Variants in TTC27 observed in about 807,000 individuals in gnomAD.
The protein encoded by TTC27 is tetratricopeptide repeat protein 27.
In TTC27, 79 loss-of-function variants were observed where a neutral mutation model predicts 115.9. That is an observed-to-expected ratio of 0.68 (90% CI 0.57 to 0.82). The LOEUF is 0.82. TTC27 is among the 40% of genes least tolerant of loss of function. TTC27 has a pLI of 0.00. For missense variants in TTC27, 1,054 were observed against 993.1 expected, an observed-to-expected ratio of 1.06 and a Z score of -0.82; for synonymous variants, 401 against 356.0, an observed-to-expected ratio of 1.13 and a Z score of -1.42.
chr2:32,755,366 C>T (rs927494744), intron 12 of TTC27, among the ~76,000 whole-genome samples: 13 of 152,196 alleles, frequency 8.5e-5, no homozygotes, highest in East Asian at 1.9e-4. Context: ...GGATCACTCG[C>T]GGTTAGGAGC....
chr2:32,643,898 C>G (rs1664747937), intron 4 of TTC27, among the ~76,000 whole-genome samples: 1 of 151,176 alleles, frequency 6.6e-6, no homozygotes, highest in South Asian at 2.1e-4. Context: ...AGCCAGGCAT[C>G]TCTGGGCATG....
At chr2:32,757,982 G>A (rs1400920108) in intron 12 of TTC27, among the ~76,000 whole-genome samples, 3 of 152,196 alleles carry the variant, frequency 2.0e-5, no homozygotes, top group South Asian at 2.1e-4. Flanking sequence ...GATTCCAGGC[G>A]TGAGCCACCA....
chr2:32,674,217 C>T (rs565781663), intron 8 of TTC27, among the ~76,000 whole-genome samples: 1 of 150,570 alleles, frequency 6.6e-6, no homozygotes, highest in Admixed American at 6.6e-5. Context: ...GTGGCGCGAT[C>T]TCGGCTCACT....
At chr2:32,732,987 T>G (rs900788493) in intron 10 of TTC27, among the ~76,000 whole-genome samples, 2 of 152,164 alleles carry the variant, frequency 1.3e-5, no homozygotes, top group Admixed American at 1.3e-4. Flanking sequence ...GAATGGCAAA[T>G]GAAGAGGCAG....
intron 4 of TTC27, among the ~76,000 whole-genome samples, chr2:32,645,853 A>G (rs1664833551): frequency 6.6e-6 from 1 of 151,296 alleles, no homozygotes; most frequent in East Asian, 1.9e-4. Flanking sequence ...AGTAGCTGGG[A>G]CTACAGGTAT....
At chr2:32,743,484 A>G (rs927172320) in intron 12 of TTC27, among the ~76,000 whole-genome samples, 1 of 152,182 alleles carries the variant, frequency 6.6e-6, no homozygotes, top group Non-Finnish European at 1.5e-5. Context: ...CAAATTTCCC[A>G]TATAACAACT....
intron 19 of TTC27, among the ~76,000 whole-genome samples, chr2:32,817,861 G>T (rs1671558598): frequency 6.6e-6 from 1 of 152,104 alleles, no homozygotes; most frequent in Admixed American, 6.5e-5. Flanking sequence ...TTTGAGACCA[G>T]CCTGGCCAAC....
At chr2:32,815,149 C>T (rs1671456438) in intron 18 of TTC27, among the ~76,000 whole-genome samples, 1 of 150,018 alleles carries the variant, frequency 6.7e-6, no homozygotes, top group African/African-American at 2.5e-5. Flanking sequence ...AGCTCTTTGC[C>T]ATCCAGGAGT....
At position 32,814,328 on chromosome 2, in the gene TTC27, T is replaced by C. The variant is rs563318928; in HGVS notation, c.2308+1713T>C. ...AGGGCAATACTTGGAGAAAAACAAG[T>C]GTCCATTCTTTTAAGTTCTCCTCTG... On this transcript the variant is annotated intron_variant, in intron 18 of 19. Transcript: ENST00000317907. Among the ~76,000 whole-genome samples the C allele has an allele frequency of 1.2e-4, 19 of 152,324 alleles. No homozygotes were observed. The South Asian group carries it at 3.7e-3, about 30-fold the overall frequency.
At chr2:32,684,374 G>A (rs934579741) in intron 9 of TTC27, among the ~76,000 whole-genome samples, 11 of 151,332 alleles carry the variant, frequency 7.3e-5, no homozygotes, top group South Asian at 2.1e-4. Flanking sequence ...GAATAATGCC[G>A]CAATAAACAT....
chr2:32,631,253 A>G (rs1452512653), intron 2 of TTC27, among the ~76,000 whole-genome samples: 1 of 152,146 alleles, frequency 6.6e-6, no homozygotes, highest in African/African-American at 2.4e-5. Context: ...TAGTGAGCCA[A>G]TATCCCGCCA....
intron 13 of TTC27, among the ~76,000 whole-genome samples, chr2:32,767,621 C>T (rs1669683516): frequency 6.6e-6 from 1 of 151,212 alleles, no homozygotes; most frequent in Admixed American, 6.6e-5. Flanking sequence ...GCCACCGCGC[C>T]CGGCTAATTT....
intron 3 of TTC27, among the ~76,000 whole-genome samples, chr2:32,636,674 A>G (rs1004386448): frequency 7.2e-5 from 11 of 152,234 alleles, no homozygotes; most frequent in Non-Finnish European, 1.5e-5. Flanking sequence ...CTTCTATACT[A>G]GTGTAGAAGC....
chr2:32,758,561 C>T, intron 13 of TTC27, 42 bp downstream of exon 13: 1 of 1,574,954 alleles, frequency 6.3e-7, no homozygotes, highest in Non-Finnish European at 8.7e-7. Flanking sequence ...AGCGCTTGTG[C>T]TGTTCTTTGG....
chr2:32,803,757 C>T (rs1281945104), intron 16 of TTC27, among the ~76,000 whole-genome samples: 1 of 152,044 alleles, frequency 6.6e-6, no homozygotes, highest in Non-Finnish European at 1.5e-5. Context: ...TGCCTGTAAT[C>T]CCAGCACTTT....
At chr2:32,782,352 A>G (rs1212488132) in intron 14 of TTC27, among the ~76,000 whole-genome samples, 1 of 152,208 alleles carries the variant, frequency 6.6e-6, no homozygotes, top group African/African-American at 2.4e-5. Context: ...TGTATTAGTT[A>G]TTTTGTAAGT....
intron 10 of TTC27, among the ~76,000 whole-genome samples, chr2:32,714,330 T>C (rs1377472129): frequency 6.6e-6 from 1 of 152,020 alleles, no homozygotes; most frequent in East Asian, 1.9e-4. Flanking sequence ...GGCTAATTTT[T>C]TGTATTTTTA....
At chr2:32,686,513 C>T (rs1025333301) in intron 9 of TTC27, among the ~76,000 whole-genome samples, 2 of 152,046 alleles carry the variant, frequency 1.3e-5, no homozygotes, top group Admixed American at 1.3e-4. Flanking sequence ...GCGTGAACCA[C>T]CACGCCTAGC....
intron 9 of TTC27, 57 bp downstream of exon 9, chr2:32,678,979 T>C: frequency 6.9e-7 from 1 of 1,455,924 alleles, no homozygotes; most frequent in Middle Eastern, 1.7e-4. Context: ...TTACTTCCTC[T>C]GGTATGGTCT....
Sources: allele counts gnomAD v4.1 joint callset (sites outside exome capture counted in the v4.1 genomes callset), GRCh38; gene constraint gnomAD v4.1.1; transcripts MANE v1.5; gene names NCBI Gene and HGNC (gene_info 2026-07-23, HGNC 2026-07-21).